The following ADRA1A variants were observed in gnomAD, a reference collection of about 807,000 sequenced individuals.
The protein encoded by ADRA1A is alpha-1A adrenergic receptor.
In ADRA1A, 31 loss-of-function variants were observed where a neutral mutation model predicts 29.6. The observed-to-expected ratio is 1.05, with a 90% CI of 0.79 to 1.41. The LOEUF (loss-of-function observed/expected upper bound fraction) is 1.41. Among genes scored for constraint, ADRA1A ranks in the 40% most tolerant of loss-of-function variants. The pLI, the probability that ADRA1A is intolerant of heterozygous loss-of-function variation, is 0.00. For missense variants in ADRA1A, 619 were observed against 601.1 expected, an observed-to-expected ratio of 1.03 and a Z score of -0.31; for synonymous variants, 311 against 254.3, an observed-to-expected ratio of 1.22 and a Z score of -2.12.
chr8:26,819,348 A>G (rs1248530880), intron 2 of ADRA1A, among the ~76,000 whole-genome samples: 1 of 151,326 alleles, frequency 6.6e-6, no homozygotes, highest in Non-Finnish European at 1.5e-5. Flanking sequence ...AAGTAATTTA[A>G]AATCATATGA....
intron 2 of ADRA1A, among the ~76,000 whole-genome samples, chr8:26,820,734 G>GA (rs1349826432): frequency 6.6e-6 from 1 of 152,164 alleles, no homozygotes; most frequent in Non-Finnish European, 1.5e-5. Flanking sequence ...GAGATTCTGG[G>GA]AAAATGCAGC....
At chr8:26,861,067 C>T (rs376269264) in intron 2 of ADRA1A, among the ~76,000 whole-genome samples, 74 of 152,312 alleles carry the variant, frequency 4.9e-4, no homozygotes, top group African/African-American at 1.7e-3. Flanking sequence ...CACGTGCCTT[C>T]CTCCTATCAC....
intron 2 of ADRA1A, among the ~76,000 whole-genome samples, chr8:26,850,620 T>C (rs986582191): frequency 2.0e-5 from 3 of 152,182 alleles, no homozygotes; most frequent in Non-Finnish European, 4.4e-5. Context: ...CTCAGGCTCC[T>C]GAATAGCTAG....
At chr8:26,788,266 G>C (rs1214710920) in intron 2 of ADRA1A, among the ~76,000 whole-genome samples, 1 of 152,056 alleles carries the variant, frequency 6.6e-6, no homozygotes, top group African/African-American at 2.4e-5. Context: ...GTTTCTACAA[G>C]TTGTGCTAAG....
Position 26,864,752 on chromosome 8 carries a change from A to T in ADRA1A, c.218T>A (p.Leu73His), listed in dbSNP as rs1177102605. Residue 73 changes from leucine to histidine, a missense_variant, in exon 2 of 3, where the codon CTC becomes CAC. Transcript: ENST00000380573. This position sits in a 1 kb window ranked among gnomAD's most constrained non-coding sequence, Gnocchi z 8.1. ...YYIVNLAVAD[L>H]LLTSTVLPFS... ...GGGCAGCACCGTGGAGGTGAGCAGGAGGTCGGCCACCGCCAGGTTGACGAT... is the reference window on the plus strand; with the variant it reads ...GGGCAGCACCGTGGAGGTGAGCAGGTGGTCGGCCACCGCCAGGTTGACGAT... 4.3e-6 allele frequency: 7 copies of T among 1,614,032 alleles called. No individual in the cohort carries two copies. The highest frequency in any genetic ancestry group is 5.9e-6 in the Non-Finnish European group (7 of 1,180,030).
chr8:26,772,783 A>G (rs1187309481), intron 2 of ADRA1A, among the ~76,000 whole-genome samples: 1 of 152,190 alleles, frequency 6.6e-6, no homozygotes, highest in Non-Finnish European at 1.5e-5. Context: ...CAAAGAAGAC[A>G]CAATAGTGTG....
At chr8:26,782,316 C>CAT (rs1350860558) in intron 2 of ADRA1A, among the ~76,000 whole-genome samples, 1 of 152,140 alleles carries the variant, frequency 6.6e-6, no homozygotes, top group Admixed American at 6.5e-5. Flanking sequence ...GGACATAATA[C>CAT]ATATATATAG....
At chr8:26,786,892 G>C (rs1286036325) in intron 2 of ADRA1A, among the ~76,000 whole-genome samples, 1 of 130,578 alleles carries the variant, frequency 7.7e-6, no homozygotes, top group Non-Finnish European at 1.6e-5. Flanking sequence ...ATTTGTGCCT[G>C]GTACATTGTA....
intron 2 of ADRA1A, among the ~76,000 whole-genome samples, chr8:26,810,041 G>T (rs569976889): frequency 6.6e-6 from 1 of 152,124 alleles, no homozygotes; most frequent in Non-Finnish European, 1.5e-5. Flanking sequence ...CTTGAAAACC[G>T]GCTGCCCTTA....
rs6557950 is a variant in ADRA1A, at chr8:26,796,189, T to C, written c.884-25523A>G. On this transcript the variant is annotated intron_variant, in intron 2 of 2. Coordinates refer to ENST00000380573, the MANE Select transcript of ADRA1A (RefSeq NM_000680.4). The surrounding 1 kb of genome is among the most constrained non-coding windows in gnomAD (Gnocchi z 5.0). ...AATCTGAATAAAATAAAACTGCCTATGAATTAGTTTACAATTATTAAAATT... is the reference window on the plus strand; with the variant it reads ...AATCTGAATAAAATAAAACTGCCTACGAATTAGTTTACAATTATTAAAATT... Among the ~76,000 whole-genome samples, 89,559 of 151,992 alleles carry C rather than the reference T, an allele frequency of 0.59. 28,689 individuals are homozygous for C. The highest frequency in any genetic ancestry group is 0.9 in the East Asian group (4,645 of 5,180).
intron 2 of ADRA1A, among the ~76,000 whole-genome samples, chr8:26,772,818 C>G (rs1293528074): frequency 6.6e-6 from 1 of 151,988 alleles, no homozygotes; most frequent in Non-Finnish European, 1.5e-5. Flanking sequence ...CATTTATTAC[C>G]TCTGAAGCAC....
At chr8:26,838,737 G>C (rs1376031007) in intron 2 of ADRA1A, among the ~76,000 whole-genome samples, 2 of 152,200 alleles carry the variant, frequency 1.3e-5, no homozygotes, top group Non-Finnish European at 2.9e-5. Context: ...TATCAAAAAA[G>C]TGGTAGAAGA....
chr8:26,817,100 C>A (rs896923446), intron 2 of ADRA1A, among the ~76,000 whole-genome samples: 4 of 152,000 alleles, frequency 2.6e-5, no homozygotes, highest in South Asian at 2.1e-4. Context: ...GAAAGGCAAG[C>A]CATATACTAG....
chr8:26,843,696 G>A (rs1223079900), intron 2 of ADRA1A, among the ~76,000 whole-genome samples: 1 of 152,222 alleles, frequency 6.6e-6, no homozygotes, highest in African/African-American at 2.4e-5. Context: ...TATAGGATTG[G>A]ATGTACCAGA....
intron 2 of ADRA1A, among the ~76,000 whole-genome samples, chr8:26,749,946 G>A (rs959812100): frequency 6.6e-6 from 1 of 152,070 alleles, no homozygotes; most frequent in African/African-American, 2.4e-5. Context: ...TTGGTTCATG[G>A]GGCTAGAGGC....
chr8:26,855,734 C>G, intron 2 of ADRA1A, among the ~76,000 whole-genome samples: 1 of 151,818 alleles, frequency 6.6e-6, no homozygotes, highest in South Asian at 2.1e-4. Flanking sequence ...TATCCCAGAA[C>G]TTAAAGAAAA....
chr8:26,791,318 T>A (rs892864068), intron 2 of ADRA1A, among the ~76,000 whole-genome samples: 6 of 152,192 alleles, frequency 3.9e-5, no homozygotes, highest in Non-Finnish European at 8.8e-5. Context: ...TTTCTTAAGT[T>A]ACATTTCTAG....
chr8:26,755,901 A>G (rs1345607305), downstream of ADRA1A, among the ~76,000 whole-genome samples: 3 of 152,224 alleles, frequency 2.0e-5, no homozygotes, highest in African/African-American at 7.2e-5. Context: ...GGTGATTTTC[A>G]TGTCTATGAA....
Position 26,756,932 on chromosome 8 carries a change from G to A in ADRA1A, c.1270-153C>T. On this transcript the variant is annotated intron_variant, in intron 2 of 2. Transcript: ENST00000380582. Reference sequence around the variant, plus strand: ...TCCATTTTTCCAAGTTCAGACTTCAGTAGAGCGGGTTCTCAAGTTGAGGAT... The same window carrying A: ...TCCATTTTTCCAAGTTCAGACTTCAATAGAGCGGGTTCTCAAGTTGAGGAT... The A allele has an allele frequency of 2.5e-6, 3 of 1,190,780 alleles. No homozygotes were observed. The Middle Eastern group carries it at 5.8e-4, about 232-fold the overall frequency. 73.8% of individuals were successfully genotyped at this position (1,190,780 alleles called of 1,614,324 possible).
Sources: gnomAD v4.1 joint callset for allele counts (sites outside exome capture counted in the v4.1 genomes callset) on GRCh38, gnomAD v4.1.1 for gene constraint, Gnocchi (gnomAD v3.1) non-coding constraint, MANE v1.5 for transcripts, NCBI Gene and HGNC (gene_info 2026-07-23, HGNC 2026-07-21) for gene names.